SLC35F4: variants seen among roughly 807,000 people sequenced by gnomAD.
SLC35F4 encodes the protein solute carrier family 35 member F4.
Under a neutral mutation model 44.2 loss-of-function variants are expected in SLC35F4, and 24 were observed. The ratio of observed to expected loss-of-function variants is 0.54; its 90% CI spans 0.39 to 0.76. The LOEUF is 0.76. Ranked by LOEUF, SLC35F4 falls within the 30% of genes least tolerant of loss-of-function variation. The pLI is 0.00. For synonymous variants in SLC35F4, 238 were observed against 223.6 expected (o/e 1.06, Z -0.57); for missense variants, 562 against 586.1 (o/e 0.96, Z 0.42).
At position 57,748,782 on chromosome 14, in the gene SLC35F4, G is replaced by C. The variant is rs2076817374; in HGVS notation, c.103+116941C>G. 1.3e-5 allele frequency among the ~76,000 whole-genome samples: 2 copies of C among 152,170 alleles called. 1 individual carries two copies. Among genetic ancestry groups the C allele is most frequent in the South Asian group, 4.1e-4 (2 of 4,830 alleles). On this transcript the variant is annotated intron_variant, in intron 1 of 7. Transcript: ENST00000556826. ...AAATGGAAAGGCTATTTTGGAATTA[G>C]AGGAGAAAAGCAATGTGTATAGTGT...
chr14:57,752,065 G>A (rs189249757), intron 1 of SLC35F4, among the ~76,000 whole-genome samples: 1 of 151,992 alleles, frequency 6.6e-6, no homozygotes, highest in African/African-American at 2.4e-5. Flanking sequence ...AGGACAGCTC[G>A]TCTCTCTCCT....
At chr14:57,609,474 A>C (rs2071362576) in intron 1 of SLC35F4, among the ~76,000 whole-genome samples, 3 of 152,298 alleles carry the variant, frequency 2.0e-5, no homozygotes, top group South Asian at 4.1e-4. Flanking sequence ...AATGATATTA[A>C]AGTATTTGTT....
At chr14:57,733,905 A>G (rs2076405863) in intron 1 of SLC35F4, among the ~76,000 whole-genome samples, 1 of 152,172 alleles carries the variant, frequency 6.6e-6, no homozygotes, top group African/African-American at 2.4e-5. Flanking sequence ...TATGTATTTT[A>G]TTTATAAATC....
chr14:57,913,973 T>C (rs1179442840), intron 1 of SLC35F4, among the ~76,000 whole-genome samples: 1 of 152,230 alleles, frequency 6.6e-6, no homozygotes, highest in Non-Finnish European at 1.5e-5. Flanking sequence ...GTTGGATATT[T>C]TCTGAACACT....
chr14:57,642,277 A>G (rs1293932969), intron 1 of SLC35F4, among the ~76,000 whole-genome samples: 3 of 151,828 alleles, frequency 2.0e-5, no homozygotes, highest in African/African-American at 7.3e-5. Flanking sequence ...AGGTGTTTAC[A>G]TTGAAGACCG....
intron 1 of SLC35F4, among the ~76,000 whole-genome samples, chr14:57,802,069 C>T (rs941927651): frequency 2.0e-5 from 3 of 152,144 alleles, no homozygotes; most frequent in African/African-American, 4.8e-5. Flanking sequence ...AAATTAATCA[C>T]ATAATTGGAA....
At chr14:57,919,049 C>T (rs752593470) in intron 1 of SLC35F4, among the ~76,000 whole-genome samples, 6 of 152,122 alleles carry the variant, frequency 3.9e-5, no homozygotes, top group Non-Finnish European at 5.9e-5. Flanking sequence ...CTGGCTCTTA[C>T]CAATGGAATG....
chr14:57,935,437 G>A (rs1407073903), intron 1 of SLC35F4, among the ~76,000 whole-genome samples: 1 of 152,198 alleles, frequency 6.6e-6, no homozygotes, highest in African/African-American at 2.4e-5. Flanking sequence ...ATACTCACAG[G>A]TCTTAGAGAG....
rs901868255 is a variant in SLC35F4 at position 57,897,100 on chromosome 14, G to A, written n.282+84813C>T. On this transcript the variant is annotated intron_variant and non_coding_transcript_variant, in intron 1 of 1. Transcript: ENST00000556568. ...GTCACCTACATATTGGTCCCCAAGG[G>A]ATTCTAAGGAATTTTTCTTGATAAA... 7.9e-5 allele frequency among the ~76,000 whole-genome samples: 12 copies of A among 152,074 alleles called. No homozygotes were observed. The East Asian group carries it at 1.9e-3, about 25-fold the overall frequency.
chr14:57,730,861 C>A (rs1476083768), intron 1 of SLC35F4, among the ~76,000 whole-genome samples: 1 of 152,076 alleles, frequency 6.6e-6, no homozygotes, highest in East Asian at 1.9e-4. Flanking sequence ...AAAGAAGAGA[C>A]CAGTTTCCTT....
intron 1 of SLC35F4, among the ~76,000 whole-genome samples, chr14:57,856,502 C>T (rs1238824524): frequency 6.6e-6 from 1 of 151,984 alleles, no homozygotes; most frequent in Non-Finnish European, 1.5e-5. Context: ...TAGTATTTTG[C>T]ATTACAAATA....
chr14:57,978,803 G>A (rs1881290190), intron 1 of SLC35F4, among the ~76,000 whole-genome samples: 1 of 152,166 alleles, frequency 6.6e-6, no homozygotes, highest in African/African-American at 2.4e-5. Context: ...TTGAAAATCA[G>A]GGGACACAGA....
intron 6 of SLC35F4, among the ~76,000 whole-genome samples, 184 bp downstream of exon 6, chr14:57,569,604 T>C (rs545917506): frequency 6.6e-6 from 1 of 152,310 alleles, no homozygotes; most frequent in Non-Finnish European, 1.5e-5. Flanking sequence ...ACTAGTTGGA[T>C]AGCTTGAACC....
intron 1 of SLC35F4, among the ~76,000 whole-genome samples, chr14:57,730,443 T>C (rs1219904940): frequency 1.3e-5 from 2 of 152,080 alleles, no homozygotes; most frequent in African/African-American, 2.4e-5. Flanking sequence ...TTGTAGATCT[T>C]CTTTTGAAAA....
intron 1 of SLC35F4, among the ~76,000 whole-genome samples, chr14:57,626,517 A>T (rs187788430): frequency 1.2e-3 from 181 of 152,022 alleles, no homozygotes; most frequent in African/African-American, 4.1e-3. Flanking sequence ...GTCCTGAAAT[A>T]CTGTAAAACT....
chr14:57,734,694 C>A (rs2076422883), intron 1 of SLC35F4, among the ~76,000 whole-genome samples: 1 of 151,964 alleles, frequency 6.6e-6, no homozygotes, highest in African/African-American at 2.4e-5. Flanking sequence ...AGATAAAATA[C>A]CAAATTTGGA....
At chr14:57,575,482 A>AAAAC (rs1566631433) in intron 4 of SLC35F4, among the ~76,000 whole-genome samples, 1 of 152,168 alleles carries the variant, frequency 6.6e-6, no homozygotes, top group African/African-American at 2.4e-5. Flanking sequence ...CCCTGTCTCA[A>AAAAC]AAACAAACAA....
chr14:57,970,747 G>A (rs1247487461), intron 1 of SLC35F4, among the ~76,000 whole-genome samples: 1 of 152,076 alleles, frequency 6.6e-6, no homozygotes, highest in African/African-American at 2.4e-5. Flanking sequence ...GATAGCTCTG[G>A]GCTCTGCAGC....
chr14:57,623,534 T>C (rs2072311821), intron 1 of SLC35F4, among the ~76,000 whole-genome samples: 2 of 152,210 alleles, frequency 1.3e-5, no homozygotes, highest in African/African-American at 4.8e-5. Flanking sequence ...ATTGCACTTA[T>C]TCTAAAATTG....
Sources: gnomAD v4.1 joint callset for allele counts (sites outside exome capture counted in the v4.1 genomes callset) on GRCh38, gnomAD v4.1.1 for gene constraint, MANE v1.5 for transcripts, NCBI Gene and HGNC (gene_info 2026-07-23, HGNC 2026-07-21) for gene names.